ROBO2: variants seen among roughly 807,000 people sequenced by gnomAD.
ROBO2 encodes roundabout guidance receptor 2, also known as roundabout homolog 2.
A neutral mutation model predicts 160.8 loss-of-function variants in ROBO2; 53 were observed. The ratio of observed to expected loss-of-function variants is 0.33; its 90% CI spans 0.26 to 0.41. The LOEUF (loss-of-function observed/expected upper bound fraction) is 0.41. Ranked by LOEUF, ROBO2 falls within the 10% of genes least tolerant of loss-of-function variation. The pLI, the probability that ROBO2 is intolerant of heterozygous loss-of-function variation, is 1.00. For missense variants in ROBO2, 1,577 were observed against 1,722.4 expected, an observed-to-expected ratio of 0.92 and a Z score of 1.49; for synonymous variants, 664 against 611.7, an observed-to-expected ratio of 1.09 and a Z score of -1.26.
intron 2 of ROBO2, among the ~76,000 whole-genome samples, chr3:76,742,450 C>T (rs1158291455): frequency 3.3e-5 from 5 of 152,164 alleles, no homozygotes; most frequent in Admixed American, 6.5e-5. Flanking sequence ...ATACACACAA[C>T]GGAAAAACAG....
chr3:76,235,464 G>A (rs1193463214), intron 2 of ROBO2, among the ~76,000 whole-genome samples: 2 of 152,156 alleles, frequency 1.3e-5, no homozygotes, highest in Non-Finnish European at 2.9e-5. Flanking sequence ...GTCTACGACT[G>A]CGGAGAATAC....
At chr3:76,446,255 CAGAG>C (rs1314350287) in intron 2 of ROBO2, among the ~76,000 whole-genome samples, 24 of 152,090 alleles carry the variant, frequency 1.6e-4, no homozygotes, top group Non-Finnish European at 2.9e-4. Flanking sequence ...AAGAGACAAA[CAGAG>C]AGCCAAATCA....
At chr3:77,475,437 G>A (rs773162254) in intron 2 of ROBO2, among the ~76,000 whole-genome samples, 33 of 152,142 alleles carry the variant, frequency 2.2e-4, no homozygotes, top group Non-Finnish European at 3.2e-4. Context: ...AAAAAAAATG[G>A]ATTGTGGAAA....
chr3:76,507,720 T>A (rs2080867421), intron 2 of ROBO2, among the ~76,000 whole-genome samples: 1 of 152,030 alleles, frequency 6.6e-6, no homozygotes, highest in Non-Finnish European at 1.5e-5. Context: ...GAGAAACCAT[T>A]TTTTACTTAG....
In ROBO2 at chr3:77,619,643, A is replaced by G. The variant is rs545881868; in HGVS notation, c.3554+1870A>G. Among the ~76,000 whole-genome samples, 3 of 152,226 alleles carry G rather than the reference A, an allele frequency of 2.0e-5. No homozygotes were observed. The South Asian group carries it at 6.2e-4, about 32-fold the overall frequency. On this transcript the variant is annotated intron_variant, in intron 22 of 25. Coordinates refer to ENST00000461745, the Ensembl canonical transcript of ROBO2. ...GTCACACAGACATTGTTGACTACCCATATGGCTGACCTCAATTTCCAGCCC... is the reference window on the plus strand; with the variant it reads ...GTCACACAGACATTGTTGACTACCCGTATGGCTGACCTCAATTTCCAGCCC...
At chr3:77,400,630 T>TCA (rs1330870807) in intron 2 of ROBO2, among the ~76,000 whole-genome samples, 1 of 152,184 alleles carries the variant, frequency 6.6e-6, no homozygotes, top group Non-Finnish European at 1.5e-5. Flanking sequence ...TTCTTCTGAG[T>TCA]CACACTTCTT....
intron 4 of ROBO2, among the ~76,000 whole-genome samples, chr3:77,490,103 T>A (rs1041111887): frequency 4.8e-4 from 72 of 148,502 alleles, no homozygotes; most frequent in African/African-American, 1.7e-3. Context: ...ATTTTACTTT[T>A]TTTTTTTTTT....
chr3:77,236,970 C>A (rs192368107), intron 2 of ROBO2, among the ~76,000 whole-genome samples: 1 of 152,116 alleles, frequency 6.6e-6, no homozygotes, highest in South Asian at 2.1e-4. Context: ...ACCTCCTGGG[C>A]TCAAGCAATC....
chr3:76,943,349 A>C lies in ROBO2; in HGVS notation c.110-154665A>C, dbSNP rs116640178. On this transcript the variant is annotated intron_variant, in intron 2 of 26. Coordinates refer to the ROBO2 transcript ENST00000487694. ...TTGTGTCCCCAGACCTGGCTAGAAA[A>C]ATTAAAAAGAAACAAAACTCTTCTT... Among the ~76,000 whole-genome samples the C allele has an allele frequency of 1.6e-3, 241 of 152,246 alleles. 1 individual carries two copies. Among genetic ancestry groups the C allele is most frequent in the African/African-American group, 5.2e-3 (218 of 41,546 alleles).
intron 2 of ROBO2, among the ~76,000 whole-genome samples, chr3:76,759,764 G>A (rs2061195997): frequency 6.6e-6 from 1 of 151,754 alleles, no homozygotes. Flanking sequence ...TGATCTTTGT[G>A]GTAACTATCT....
chr3:76,446,607 A>C (rs1264664314), intron 2 of ROBO2, among the ~76,000 whole-genome samples: 1 of 152,206 alleles, frequency 6.6e-6, no homozygotes, highest in Non-Finnish European at 1.5e-5. Flanking sequence ...AAAAGAACAA[A>C]GCTGGAGGCA....
intron 2 of ROBO2, among the ~76,000 whole-genome samples, chr3:76,314,311 C>T (rs749803580): frequency 3.3e-5 from 5 of 151,968 alleles, no homozygotes; most frequent in African/African-American, 4.8e-5. Flanking sequence ...ATTTTATGTT[C>T]GATTACCTTC....
chr3:76,656,523 T>C (rs372489748), intron 2 of ROBO2, among the ~76,000 whole-genome samples: 23 of 152,032 alleles, frequency 1.5e-4, no homozygotes, highest in African/African-American at 5.6e-4. Context: ...GAAAGCCATC[T>C]CTCCAAAATT....
intron 2 of ROBO2, among the ~76,000 whole-genome samples, chr3:76,335,238 G>A (rs1227873629): frequency 7.5e-6 from 1 of 132,992 alleles, no homozygotes; most frequent in African/African-American, 2.8e-5. Context: ...CTGGAGTGCA[G>A]TGGCGCGATC....
At chr3:77,008,703 A>G (rs1367836315) in intron 2 of ROBO2, among the ~76,000 whole-genome samples, 3 of 152,178 alleles carry the variant, frequency 2.0e-5, no homozygotes, top group Admixed American at 2.0e-4. Flanking sequence ...TTAGAGATAT[A>G]GAATTGGAAA....
At chr3:76,544,335 G>A (rs2082978200) in intron 2 of ROBO2, among the ~76,000 whole-genome samples, 1 of 151,932 alleles carries the variant, frequency 6.6e-6, no homozygotes, top group Non-Finnish European at 1.5e-5. Flanking sequence ...ATCCATCTAT[G>A]TTTAATCTTT....
At chr3:76,999,337 C>T (rs6774797) in intron 2 of ROBO2, among the ~76,000 whole-genome samples, 77,548 of 151,686 alleles carry the variant, frequency 0.51, 20,427 homozygotes, top group East Asian at 0.8. Flanking sequence ...GAAATAAAAG[C>T]GATAACCCCC....
chr3:77,369,130 G>A (rs186500472), intron 2 of ROBO2, among the ~76,000 whole-genome samples: 9 of 152,104 alleles, frequency 5.9e-5, no homozygotes, highest in African/African-American at 1.4e-4. Context: ...CCTCTTGATC[G>A]TGGCCAAAGC....
intron 2 of ROBO2, among the ~76,000 whole-genome samples, chr3:76,932,874 G>C (rs17819911): frequency 6.6e-6 from 1 of 151,812 alleles, no homozygotes; most frequent in Admixed American, 6.6e-5. Context: ...GAAAATGGGC[G>C]CTCGGATATA....
Sources: allele counts gnomAD v4.1 joint callset (sites outside exome capture counted in the v4.1 genomes callset), GRCh38; gene constraint gnomAD v4.1.1; transcripts MANE v1.5; gene names NCBI Gene and HGNC (gene_info 2026-07-23, HGNC 2026-07-21).